The following ADAMTS17 variants were observed in gnomAD, a reference collection of about 807,000 sequenced individuals.
The protein encoded by ADAMTS17 is ADAM metallopeptidase with thrombospondin type 1 motif 17.
ADAMTS17 carries 113 observed loss-of-function variants against 141.5 expected under a neutral mutation model. The observed-to-expected ratio is 0.80, with a 90% CI of 0.69 to 0.93. ADAMTS17 has a LOEUF of 0.93. Among genes scored for constraint, ADAMTS17 ranks in the 40% least tolerant of loss-of-function variants. The pLI, the probability that ADAMTS17 is intolerant of heterozygous loss-of-function variation, is 0.00. For missense variants in ADAMTS17, 1,659 were observed against 1,517.9 expected (o/e 1.09, Z -1.54); for synonymous variants, 768 against 630.6 (o/e 1.22, Z -3.27).
chr15:100,083,750 T>C (rs1297194341), intron 15 of ADAMTS17, among the ~76,000 whole-genome samples: 3 of 149,726 alleles, frequency 2.0e-5, no homozygotes, highest in Non-Finnish European at 4.4e-5. Flanking sequence ...TGTGGTCATC[T>C]AGTATGATGC....
chr15:100,135,776 C>T (rs2038299367), intron 10 of ADAMTS17, among the ~76,000 whole-genome samples: 1 of 152,188 alleles, frequency 6.6e-6, no homozygotes, highest in Non-Finnish European at 1.5e-5. Flanking sequence ...CTTGAACAGA[C>T]ACTTCATAAA....
In ADAMTS17 at chr15:99,973,877, T is replaced by G; in HGVS notation, c.*525A>C. On this transcript the variant is annotated 3_prime_UTR_variant, in exon 22 of 22. Coordinates refer to ENST00000268070, the MANE Select transcript of ADAMTS17 (RefSeq NM_139057.4). ...AGGCAACGTCCTGGTTCTCATGTGG[T>G]CAAGAAGGTAGATGGAGAGAAACGT... The G allele has an allele frequency of 4.7e-6, 1 of 212,092 alleles. No homozygotes were observed. Among genetic ancestry groups the G allele is most frequent in the Non-Finnish European group, 9.6e-6 (1 of 104,542 alleles). 13.1% of individuals were successfully genotyped at this position (212,092 alleles called of 1,614,324 possible).
chr15:100,252,500 G>A (rs987204719), intron 7 of ADAMTS17, among the ~76,000 whole-genome samples: 2 of 152,196 alleles, frequency 1.3e-5, no homozygotes, highest in Non-Finnish European at 2.9e-5. Context: ...AGCAGGAGGA[G>A]CACGGAGCAG....
At position 100,282,805 on chromosome 15, in the gene ADAMTS17, A is replaced by C. The variant is rs576182523; in HGVS notation, c.617-1404T>G. On this transcript the variant is annotated intron_variant, in intron 3 of 21. Coordinates refer to ENST00000268070, the MANE Select transcript of ADAMTS17 (RefSeq NM_139057.4). ...ATAGATAAAGCCAACAACAGTAAAAAGGTATACAGCCATTAAAATCATACC... is the reference window on the plus strand; with the variant it reads ...ATAGATAAAGCCAACAACAGTAAAACGGTATACAGCCATTAAAATCATACC... Among the ~76,000 whole-genome samples, 4 of 152,354 alleles carry C rather than the reference A, an allele frequency of 2.6e-5. No individual in the cohort carries two copies. In the East Asian group the frequency reaches 5.8e-4, roughly 22 times the overall value.
At chr15:100,159,384 T>C (rs1178074973) in intron 8 of ADAMTS17, among the ~76,000 whole-genome samples, 1 of 152,256 alleles carries the variant, frequency 6.6e-6, no homozygotes, top group Non-Finnish European at 1.5e-5. Context: ...CTGGTAGCTT[T>C]TTCTTTCTCT....
intron 7 of ADAMTS17, among the ~76,000 whole-genome samples, chr15:100,242,552 C>T (rs73480018): frequency 0.025 from 3,858 of 152,260 alleles, 176 homozygotes; most frequent in African/African-American, 0.088. Context: ...CTCCTCTCTC[C>T]ATCCTCTCCC....
chr15:100,315,157 G>A (rs953205916), intron 3 of ADAMTS17, among the ~76,000 whole-genome samples: 2 of 152,214 alleles, frequency 1.3e-5, no homozygotes, highest in African/African-American at 4.8e-5. Flanking sequence ...TGGAGGCCGG[G>A]AGGCAGGCAG....
At chr15:100,047,592 T>C (rs1258391329) in intron 18 of ADAMTS17, among the ~76,000 whole-genome samples, 4 of 152,060 alleles carry the variant, frequency 2.6e-5, no homozygotes, top group Admixed American at 2.6e-4. Context: ...GGTTCCCCAA[T>C]AAAAACATGC....
intron 8 of ADAMTS17, among the ~76,000 whole-genome samples, chr15:100,158,665 T>C (rs938793072): frequency 3.9e-5 from 6 of 152,226 alleles, no homozygotes; most frequent in African/African-American, 1.4e-4. Flanking sequence ...AGATGCCTTA[T>C]GTAAGTGGAA....
chr15:99,981,790 A>G (rs921312778), intron 20 of ADAMTS17, among the ~76,000 whole-genome samples: 6 of 152,252 alleles, frequency 3.9e-5, no homozygotes, highest in Admixed American at 2.0e-4. Context: ...TATATAATTA[A>G]AAATAAAACT....
chr15:100,093,637 T>A (rs916913334), intron 15 of ADAMTS17, among the ~76,000 whole-genome samples: 3 of 152,000 alleles, frequency 2.0e-5, no homozygotes, highest in Non-Finnish European at 4.4e-5. Flanking sequence ...ATCAGCTGAT[T>A]TCTACTTGTC....
At chr15:100,292,458 A>C (rs1000410758) in intron 3 of ADAMTS17, among the ~76,000 whole-genome samples, 2 of 150,164 alleles carry the variant, frequency 1.3e-5, no homozygotes, top group African/African-American at 4.9e-5. Context: ...CCCCGTGTGA[A>C]ATTATGAGAG....
At chr15:100,264,595 T>C (rs1306783474) in intron 4 of ADAMTS17, among the ~76,000 whole-genome samples, 1 of 152,204 alleles carries the variant, frequency 6.6e-6, no homozygotes, top group Non-Finnish European at 1.5e-5. Context: ...AAGGAAAGAC[T>C]GCAAGGAACA....
intron 18 of ADAMTS17, among the ~76,000 whole-genome samples, chr15:99,998,214 G>A (rs1307820259): frequency 6.6e-6 from 1 of 152,198 alleles, no homozygotes; most frequent in Non-Finnish European, 1.5e-5. Flanking sequence ...CCAGAGCCTG[G>A]GCCCTCCGGA....
intron 3 of ADAMTS17, among the ~76,000 whole-genome samples, chr15:100,320,749 C>T (rs1226576499): frequency 6.6e-6 from 1 of 152,124 alleles, no homozygotes; most frequent in Non-Finnish European, 1.5e-5. Flanking sequence ...AGGAGGATCC[C>T]TTAAGCCTGG....
rs1381863646 is a variant in ADAMTS17, at chr15:100,116,144, A to AC, written c.1888+702_1888+703insG. Among the ~76,000 whole-genome samples, 259 of 147,712 alleles carry AC rather than the reference A, an allele frequency of 1.8e-3. 4 individuals carry two copies. Among genetic ancestry groups the AC allele is most frequent in the African/African-American group, 6.5e-3 (247 of 37,902 alleles). Reference sequence around the variant, plus strand: ...GAACAGTTTTAGGTAAAAAAAAAAAAAAAAAAAAAAAAAACCCAACAACCC... The same window carrying AC: ...GAACAGTTTTAGGTAAAAAAAAAAAACAAAAAAAAAAAAAACCCAACAACCC... On this transcript the variant is annotated intron_variant, in intron 13 of 21. Transcript: ENST00000268070.
chr15:100,188,619 G>T (rs77843652), intron 8 of ADAMTS17, among the ~76,000 whole-genome samples: 1 of 152,172 alleles, frequency 6.6e-6, no homozygotes, highest in Non-Finnish European at 1.5e-5. Flanking sequence ...AGCCAAAAAT[G>T]TACCAGGTTT....
At chr15:100,125,413 T>C (rs1173403211) in intron 12 of ADAMTS17, among the ~76,000 whole-genome samples, 3 of 152,216 alleles carry the variant, frequency 2.0e-5, no homozygotes, top group Non-Finnish European at 4.4e-5. Context: ...GCACATAACC[T>C]TACACCAGCC....
At chr15:100,106,368 G>A (rs574018586) in intron 14 of ADAMTS17, among the ~76,000 whole-genome samples, 8 of 152,358 alleles carry the variant, frequency 5.3e-5, no homozygotes, top group African/African-American at 1.9e-4. Context: ...ACACCCAAGT[G>A]CAGAACAGGG....
Sources: gnomAD v4.1 joint callset for allele counts (sites outside exome capture counted in the v4.1 genomes callset) on GRCh38, gnomAD v4.1.1 for gene constraint, MANE v1.5 for transcripts, NCBI Gene and HGNC (gene_info 2026-07-23, HGNC 2026-07-21) for gene names.